Variants in RORB observed in about 807,000 individuals in gnomAD.
RORB encodes the protein RAR related orphan receptor B, also known as nuclear receptor ROR-beta.
In RORB, 6 loss-of-function variants were observed where a neutral mutation model predicts 59.1. The ratio of observed to expected loss-of-function variants is 0.10; its 90% confidence interval spans 0.06 to 0.20. The LOEUF (loss-of-function observed/expected upper bound fraction) is 0.20, where lower values mean the gene tolerates loss of function less well. Among genes scored for constraint, RORB ranks in the 10% least tolerant of loss-of-function variants. The pLI is 1.00. For synonymous variants in RORB, 215 were observed against 204.5 expected, an observed-to-expected ratio of 1.05 and a Z score of -0.44; for missense variants, 320 against 560.5, an observed-to-expected ratio of 0.57 and a Z score of 4.33.
Position 74,665,550 on chromosome 9 carries a change from C to A in RORB, c.955C>A (p.Leu319Met). 6.2e-7 allele frequency: 1 copy of A among 1,613,050 alleles called. No individual in the cohort carries two copies. The highest frequency in any genetic ancestry group is 8.5e-7 in the Non-Finnish European group (1 of 1,179,414). Residue 319 changes from leucine to methionine, a missense_variant, in exon 7 of 10, where the codon CTG becomes ATG. This residue lies in a region of RORB where 109 missense variants were observed against 171.0 expected (regional missense o/e 0.64). Transcript: ENST00000376896. Reference protein sequence around the residue: ...RAFNPLNNTVLFEGKYGGMQM... With the variant: ...RAFNPLNNTVMFEGKYGGMQM... ...CTTCAACCCATTAAACAACACTGTT[C>A]TGTTTGAAGGAAAATATGGAGGAAT...
At chr9:74,556,893 A>C (rs1236562404) in intron 1 of RORB, among the ~76,000 whole-genome samples, 1 of 152,142 alleles carries the variant, frequency 6.6e-6, no homozygotes, top group Non-Finnish European at 1.5e-5. Flanking sequence ...GGCTTTCTTC[A>C]CAGTCAAATG....
intron 1 of RORB, among the ~76,000 whole-genome samples, chr9:74,577,921 T>G (rs1403701255): frequency 6.6e-6 from 1 of 152,112 alleles, no homozygotes; most frequent in Non-Finnish European, 1.5e-5. Flanking sequence ...GTCTCCACAG[T>G]TCTCGGGCCC....
intron 1 of RORB, among the ~76,000 whole-genome samples, chr9:74,598,939 C>A (rs768125529): frequency 6.6e-6 from 1 of 152,110 alleles, no homozygotes; most frequent in South Asian, 2.1e-4. Flanking sequence ...AGAAGAGGAA[C>A]CTTACTTTAC....
intron 1 of RORB, among the ~76,000 whole-genome samples, chr9:74,565,203 C>A (rs1462097872): frequency 6.6e-6 from 1 of 152,148 alleles, no homozygotes; most frequent in Non-Finnish European, 1.5e-5. Context: ...GCTAAAAACA[C>A]CCAATCTTTG....
At chr9:74,549,517 AAGGGAGGGAGGG>A (rs1204364447) in intron 1 of RORB, among the ~76,000 whole-genome samples, 1,174 of 34,826 alleles carry the variant, frequency 0.034, 88 homozygotes, top group East Asian at 0.077. Context: ...AAAGGGAAAG[AAGGGAGGGAGGG>A]AGGGAGGGAG....
intron 1 of RORB, among the ~76,000 whole-genome samples, chr9:74,579,844 G>A (rs1462337735): frequency 6.6e-6 from 1 of 152,174 alleles, no homozygotes; most frequent in Non-Finnish European, 1.5e-5. Flanking sequence ...CAAGAGCGGT[G>A]TTTCAGAGCT....
intron 1 of RORB, among the ~76,000 whole-genome samples, chr9:74,526,508 C>G (rs1190305075): frequency 6.6e-6 from 1 of 151,844 alleles, no homozygotes; most frequent in Non-Finnish European, 1.5e-5. Context: ...CTATTTTCAT[C>G]AAATGCCTAC....
chr9:74,662,465 C>A lies in RORB; in HGVS notation c.760-9C>A, dbSNP rs753306188. 3.1e-6 allele frequency: 5 copies of A among 1,613,794 alleles called. No homozygotes were observed. In the Admixed American group the frequency reaches 8.3e-5, roughly 27 times the overall value. On this transcript the variant is annotated splice_polypyrimidine_tract_variant and intron_variant, in intron 5 of 9. Transcript: ENST00000376896. ...GCCCTATTTACATTCTGTGTCTTCT[C>A]TCCTCAAGTCCAGGGAAGCACTGTG...
rs112701506 is a variant in RORB at position 74,610,065 on chromosome 9, T to C, written c.8-20217T>C. ...CTGAATTTGGGCAAAATCATGGAAA[T>C]AATGTATACAGCGTCTCACATTACT... On this transcript the variant is annotated intron_variant, in intron 1 of 9. Transcript: ENST00000376896. Among the ~76,000 whole-genome samples, 223 of 152,378 alleles carry C rather than the reference T, an allele frequency of 1.5e-3. 1 individual carries two copies. Among genetic ancestry groups the C allele is most frequent in the African/African-American group, 5.0e-3 (208 of 41,594 alleles).
intron 1 of RORB, among the ~76,000 whole-genome samples, chr9:74,524,393 A>G (rs991493812): frequency 2.0e-5 from 3 of 151,966 alleles, no homozygotes; most frequent in African/African-American, 7.2e-5. Context: ...CAGCAGAGTC[A>G]TTATAATCTC....
At chr9:74,626,243 A>T (rs1823512802) in intron 1 of RORB, among the ~76,000 whole-genome samples, 1 of 152,188 alleles carries the variant, frequency 6.6e-6, no homozygotes, top group Admixed American at 6.5e-5. Context: ...TGCCTGCCAG[A>T]TCACTAGATA....
At chr9:74,652,334 G>A (rs1824006851) in intron 4 of RORB, among the ~76,000 whole-genome samples, 1 of 152,050 alleles carries the variant, frequency 6.6e-6, no homozygotes. Flanking sequence ...CTTAAGCCAG[G>A]GAAGCAGAGG....
rs1202991274 is a variant in RORB at position 74,667,886 on chromosome 9, G to C, written c.1096G>C (p.Val366Leu). ...EEEIALFSSA[V>L]LISPDRAWLI... is the part of the protein sequence containing the mutation. ...GGAGATCGCTTTGTTCTCATCTGCT[G>C]TTCTGATATCTCCAGGTAGGGCAGT... Residue 366 changes from valine (V) to leucine (L), a missense_variant, in exon 8 of 10, where the codon GTT becomes CTT. By Grantham distance (32) the Val-to-Leu change is conservative (BLOSUM62 1). This residue lies in a region of RORB where 109 missense variants were observed against 171.0 expected (regional missense o/e 0.64). Transcript: ENST00000376896. The C allele has an allele frequency of 6.2e-7, 1 of 1,606,866 alleles. No homozygotes were observed. The highest frequency in any genetic ancestry group is 2.2e-5 in the East Asian group (1 of 44,820).
chr9:74,573,969 G>C (rs17612218), intron 1 of RORB, among the ~76,000 whole-genome samples: 1 of 152,028 alleles, frequency 6.6e-6, no homozygotes, highest in African/African-American at 2.4e-5. Flanking sequence ...AAGGCTAGAG[G>C]CACCCTCTCG....
chr9:74,591,759 G>A (rs1822897214), intron 1 of RORB, among the ~76,000 whole-genome samples: 1 of 152,020 alleles, frequency 6.6e-6, no homozygotes, highest in South Asian at 2.1e-4. Context: ...TATATCACAG[G>A]GATTCCAGTA....
At chr9:74,618,516 T>G (rs867712075) in intron 1 of RORB, among the ~76,000 whole-genome samples, 19 of 152,170 alleles carry the variant, frequency 1.2e-4, no homozygotes, top group African/African-American at 3.9e-4. Context: ...GAACATAGCC[T>G]CCTTCTTTTC....
chr9:74,672,004 G>T, intron 9 of RORB, 103 bp downstream of exon 9: 1 of 622,132 alleles, frequency 1.6e-6, no homozygotes, highest in South Asian at 2.2e-5. Context: ...AACAATTTCT[G>T]AAAGTTACCA....
intron 3 of RORB, among the ~76,000 whole-genome samples, chr9:74,636,483 G>A (rs1430219150): frequency 1.3e-5 from 2 of 152,132 alleles, no homozygotes; most frequent in African/African-American, 4.8e-5. Context: ...ACAAAATTTA[G>A]ACGGTCTGAA....
intron 1 of RORB, among the ~76,000 whole-genome samples, chr9:74,516,940 A>G (rs775006201): frequency 9.9e-5 from 15 of 151,976 alleles, no homozygotes; most frequent in African/African-American, 2.7e-4. Flanking sequence ...TGTTTTTTAC[A>G]TAGCTGTGGA....
Sources: allele counts gnomAD v4.1 joint callset (sites outside exome capture counted in the v4.1 genomes callset), GRCh38; gene constraint gnomAD v4.1.1; regional missense constraint gnomAD v4.1.1; transcripts MANE v1.5; gene names NCBI Gene and HGNC (gene_info 2026-07-23, HGNC 2026-07-21).